The following TLCD2 variants were observed in gnomAD, a reference collection of about 807,000 sequenced individuals.
TLCD2 encodes the protein TLC domain-containing protein 2.
Under a neutral mutation model 14.0 loss-of-function variants are expected in TLCD2, and 12 were observed. The observed-to-expected ratio is 0.86, with a 90% CI of 0.55 to 1.39. The LOEUF (loss-of-function observed/expected upper bound fraction) is 1.39. TLCD2 is among the 40% of genes most tolerant of loss of function. The pLI, the probability that TLCD2 is intolerant of heterozygous loss-of-function variation, is 0.00. For synonymous variants in TLCD2, 166 were observed against 156.5 expected (o/e 1.06, Z -0.45); for missense variants, 360 against 346.8 (o/e 1.04, Z -0.30).
At chr17:1,708,302 A>G in intron 3 of TLCD2, 80 bp from the exon 4 acceptor site, 1 of 1,147,528 alleles carries the variant, frequency 8.7e-7, no homozygotes, top group Non-Finnish European at 1.2e-6. Context: ...CTGAAGAAAG[A>G]GGCTTCCACG....
Position 1,710,024 on chromosome 17 carries a change from C to T in TLCD2, c.176+43G>A. The T allele has an allele frequency of 1.3e-6, 2 of 1,526,692 alleles. No individual in the cohort carries two copies. The highest frequency in any genetic ancestry group is 1.7e-6 in the Non-Finnish European group (2 of 1,142,890). The allele number at this position is 1,526,692 out of a possible 1,614,324, so 94.6% of individuals were successfully genotyped here. On this transcript the variant is annotated intron_variant, in intron 1 of 3. Coordinates refer to ENST00000330676, the MANE Select transcript of TLCD2 (RefSeq NM_001164407.2). This position sits in a 1 kb window ranked among gnomAD's most constrained non-coding sequence, Gnocchi z 6.1. The stretch of plus-strand genomic sequence containing the variant: ...GGGTCTCCCGGCCTCAGCCTCCCAC[C>T]CCTCGCCCTCGCCCCGTGCGCCTCG...
rs1243015701 is a variant in TLCD2 at position 1,704,044 on chromosome 17, G to A, written c.*3726C>T. On this transcript the variant is annotated 3_prime_UTR_variant, in exon 4 of 4. Transcript: ENST00000330676. ...GTTTGAGACCAGCCTGGCCAATATG[G>A]TGAAATCCTGTCTCTACTAAAAACA... The A allele has an allele frequency of 6.6e-6, 1 of 151,626 alleles. No homozygotes were observed. The highest frequency in any genetic ancestry group is 1.5e-5 in the Non-Finnish European group (1 of 67,934). The allele number at this position is 151,626 out of a possible 1,614,324, so 9.4% of individuals were successfully genotyped here. A position where few individuals can be genotyped will look rare whatever the true frequency, so the allele number is the denominator to read the frequency against.
Position 1,708,219 on chromosome 17 carries a change from C to T in TLCD2, c.346G>A (p.Val116Met). 6.6e-7 allele frequency: 1 copy of T among 1,519,980 alleles called. No homozygotes were observed. The highest frequency in any genetic ancestry group is 8.8e-7 in the Non-Finnish European group (1 of 1,137,074). 94.2% of individuals were successfully genotyped at this position (1,519,980 alleles called of 1,614,324 possible). A position where few individuals can be genotyped will look rare whatever the true frequency, so the allele number is the denominator to read the frequency against. ...WDLLCHHLVV[V>M]SCLSTAVLSG... ...AGAACAGCGGTGCTGAGGCAGCTCA[C>T]CACCTGGGAGCCAGGGTCACAGGTC... Residue 116 changes from valine (V) to methionine (M), a missense_variant, in exon 4 of 4, where the codon GTG becomes ATG. By Grantham distance (21) the Val-to-Met change is conservative. Transcript: ENST00000330676.
Position 1,710,052 on chromosome 17 carries a change from C to T in TLCD2, c.176+15G>A. On this transcript the variant is annotated intron_variant, in intron 1 of 3. Coordinates refer to ENST00000330676, the MANE Select transcript of TLCD2 (RefSeq NM_001164407.2). This position sits in a 1 kb window ranked among gnomAD's most constrained non-coding sequence, Gnocchi z 6.1. The stretch of plus-strand genomic sequence containing the variant: ...TCGCCCTCGCCCCGTGCGCCTCGAG[C>T]CCCCAAGCCCGCACCCGAGCAGCGC... 1 of 1,531,468 alleles carries T rather than the reference C, an allele frequency of 6.5e-7. No individual in the cohort carries two copies. Among genetic ancestry groups the T allele is most frequent in the Non-Finnish European group, 8.7e-7 (1 of 1,145,404 alleles). The allele number at this position is 1,531,468 out of a possible 1,614,324, so 94.9% of individuals were successfully genotyped here. A position where few individuals can be genotyped will look rare whatever the true frequency, so the allele number is the denominator to read the frequency against.
rs915039165 is a variant in TLCD2 at position 1,707,830 on chromosome 17, C to A, written c.735G>T (p.Arg245Ser). The A allele has an allele frequency of 2.0e-6, 3 of 1,533,182 alleles. No individual in the cohort carries two copies. The African/African-American group carries it at 4.1e-5, about 21-fold the overall frequency. The allele number at this position is 1,533,182 out of a possible 1,614,324, so 95.0% of individuals were successfully genotyped here. A position where few individuals can be genotyped will look rare whatever the true frequency, so the allele number is the denominator to read the frequency against. Residue 245 changes from arginine (R) to serine (S), a missense_variant, in exon 4 of 4, where the codon AGG (arginine) becomes AGT (serine). Coordinates refer to ENST00000330676, the MANE Select transcript of TLCD2 (RefSeq NM_001164407.2). Reference sequence around the variant, plus strand: ...TGACAGGTCCATTGTCACGACGTGTCCTGGTCCCCCTGGTTTTCTCATGGC... The same window carrying A: ...TGACAGGTCCATTGTCACGACGTGTACTGGTCCCCCTGGTTTTCTCATGGC... ...SPGHEKTRGT[R>S]TRRDNGPVTS...
At chr17:1,709,683 C>T in intron 2 of TLCD2, 102 bp from the exon 3 acceptor site, 1 of 1,160,092 alleles carries the variant, frequency 8.6e-7, no homozygotes, top group Non-Finnish European at 1.2e-6. Context: ...CTTAGTTTTC[C>T]CTTGGTAAAG....
intron 3 of TLCD2, among the ~76,000 whole-genome samples, chr17:1,708,510 C>CA (rs1914113476): frequency 8.9e-6 from 1 of 111,984 alleles, no homozygotes; most frequent in Non-Finnish European, 1.7e-5. Context: ...TTTTTCGAGA[C>CA]AGACTCTCAC....
intron 3 of TLCD2, among the ~76,000 whole-genome samples, chr17:1,708,465 C>T (rs1226950403): frequency 6.7e-6 from 1 of 149,564 alleles, no homozygotes; most frequent in Non-Finnish European, 1.5e-5. Context: ...ACCTCCCATT[C>T]CTGGGCTTGC....
chr17:1,707,566 A>G lies in TLCD2; in HGVS notation c.*204T>C. 1 of 511,332 alleles carries G rather than the reference A, an allele frequency of 2.0e-6. No homozygotes were observed. The highest frequency in any genetic ancestry group is 3.4e-6 in the Non-Finnish European group (1 of 294,328). 31.7% of individuals were successfully genotyped at this position (511,332 alleles called of 1,614,324 possible). ...GCTCATCTGATGACGGATTTCAGTG[A>G]ACAGAAACCCAGGTTCCCACCCATC... On this transcript the variant is annotated 3_prime_UTR_variant, in exon 4 of 4. Transcript: ENST00000330676.
At position 1,707,674 on chromosome 17, in the gene TLCD2, A is replaced by G; in HGVS notation, c.*96T>C. 1 of 953,372 alleles carries G rather than the reference A, an allele frequency of 1.0e-6. No individual in the cohort carries two copies. The highest frequency in any genetic ancestry group is 2.0e-5 in the South Asian group (1 of 51,212). The allele number at this position is 953,372 out of a possible 1,614,324, so 59.1% of individuals were successfully genotyped here. On this transcript the variant is annotated 3_prime_UTR_variant, in exon 4 of 4. Coordinates refer to ENST00000330676, the MANE Select transcript of TLCD2 (RefSeq NM_001164407.2). Reference sequence around the variant, plus strand: ...AGAGAAACTGAGATTCTGATGAGCAAGTCTGGCCCTCACCCTGATGGGGGA... The same window carrying G: ...AGAGAAACTGAGATTCTGATGAGCAGGTCTGGCCCTCACCCTGATGGGGGA...
At chr17:1,708,293 T>G (rs1158001571) in intron 3 of TLCD2, 71 bp from the exon 4 acceptor site, 11 of 1,254,922 alleles carry the variant, frequency 8.8e-6, no homozygotes, top group Non-Finnish European at 1.1e-5. Context: ...AACCCAGGCC[T>G]GAAGAAAGAG....
rs1205579891 is a variant in TLCD2, at chr17:1,710,212, C to T, written c.31G>A (p.Ala11Thr). The change falls in exon 1 of 4, where the codon GCC (alanine) becomes ACC (threonine). Residue 11 changes from alanine (A) to threonine (T), a missense_variant. By Grantham distance (58) the Ala-to-Thr change is moderately conservative. Coordinates refer to ENST00000330676, the MANE Select transcript of TLCD2 (RefSeq NM_001164407.2). The surrounding 1 kb of genome is among the most constrained non-coding windows in gnomAD (Gnocchi z 6.1). ...AGCCCCCGGAACGCGAGGAAGGAGGCGCCGGCCACCAGGAGCCCCGTGGGC... is the reference window on the plus strand; with the variant it reads ...AGCCCCCGGAACGCGAGGAAGGAGGTGCCGGCCACCAGGAGCCCCGTGGGC... MAPTGLLVAGASFLAFRGLHW... is the reference protein window; with the variant it reads MAPTGLLVAGTSFLAFRGLHW... 6.6e-6 allele frequency: 10 copies of T among 1,525,890 alleles called. No homozygotes were observed. The East Asian group carries it at 1.8e-4, about 27-fold the overall frequency. The allele number at this position is 1,525,890 out of a possible 1,614,324, so 94.5% of individuals were successfully genotyped here.
intron 3 of TLCD2, among the ~76,000 whole-genome samples, chr17:1,708,482 T>G (rs1294400816): frequency 2.7e-5 from 3 of 111,858 alleles, no homozygotes; most frequent in Non-Finnish European, 5.4e-5. Context: ...TTGCTTGCTT[T>G]TTTTTTTTTT....
At position 1,708,062 on chromosome 17, in the gene TLCD2, GC is replaced by G. The variant is rs1456371798; in HGVS notation, c.502del (p.Ala168ProfsTer17). The G allele has an allele frequency of 6.5e-7, 1 of 1,537,112 alleles. No individual in the cohort carries two copies. Among genetic ancestry groups the G allele is most frequent in the East Asian group, 2.4e-5 (1 of 40,934 alleles). On this transcript the variant is annotated frameshift_variant, in exon 4 of 4. Coordinates refer to ENST00000330676, the MANE Select transcript of TLCD2 (RefSeq NM_001164407.2). LOFTEE classifies it low-confidence loss of function (END_TRUNC). Reference protein sequence around the residue: ...PSLAFSVTSWASLATLALFRL... With the variant: ...PSLAFSVTSWXSLATLALFRL... The stretch of plus-strand genomic sequence containing the variant: ...GAAGAGGGCCAAGGTGGCCAAGGAG[GC>G]CCAGCTGGTCACGCTGAAGGCCAGG...
chr17:1,709,124 C>T (rs1004725361), intron 3 of TLCD2, among the ~76,000 whole-genome samples: 2 of 152,118 alleles, frequency 1.3e-5, no homozygotes, highest in African/African-American at 4.8e-5. Flanking sequence ...GGCGGTGGCT[C>T]ATGCTTGTAA....
rs972894478 is a variant in TLCD2 at position 1,706,901 on chromosome 17, C to A, written c.*869G>T. The A allele has an allele frequency of 1.3e-5, 2 of 151,880 alleles. No homozygotes were observed. Among genetic ancestry groups the A allele is most frequent in the African/African-American group, 4.8e-5 (2 of 41,298 alleles). The allele number at this position is 151,880 out of a possible 1,614,324, so 9.4% of individuals were successfully genotyped here. ...AAAAACAGGAGTGTGCGCCTGTTCT[C>A]ACGTCTGTAATCCCAGCACTCTGGG... On this transcript the variant is annotated 3_prime_UTR_variant, in exon 4 of 4. Transcript: ENST00000330676.
Position 1,710,271 on chromosome 17 carries a change from T to C in TLCD2, c.-29A>G. 6.9e-7 allele frequency: 1 copy of C among 1,453,422 alleles called. No homozygotes were observed. The highest frequency in any genetic ancestry group is 9.0e-7 in the Non-Finnish European group (1 of 1,111,212). The allele number at this position is 1,453,422 out of a possible 1,614,324, so 90.0% of individuals were successfully genotyped here. A position where few individuals can be genotyped will look rare whatever the true frequency, so the allele number is the denominator to read the frequency against. On this transcript the variant is annotated 5_prime_UTR_variant, in exon 1 of 4. Transcript: ENST00000330676. The surrounding 1 kb of genome is among the most constrained non-coding windows in gnomAD (Gnocchi z 6.1). ...CTGGCGGTTGGGGGGTTGCGGGGAG[T>C]CCGGGTCGGTCCCCTCGGCGCCCGC...
chr17:1,707,992 C>T lies in TLCD2; in HGVS notation c.573G>A (p.Gln191=), dbSNP rs997963785. 6.5e-7 allele frequency: 1 copy of T among 1,537,242 alleles called. No individual in the cohort carries two copies. Residue 191 remains glutamine (Q), a synonymous_variant, in exon 4 of 4, where the codon CAG becomes CAA. Transcript: ENST00000330676. ...CCAGAGCAAGAGGAACCTGGTGGTG[C>T]TGCCGGAACAGCCACAGACTCATCC... ...LGWMSLWLFR[Q]HHQVPLALVT...
At position 1,702,951 on chromosome 17, in the gene TLCD2, A is replaced by G. The variant is rs1913920159; in HGVS notation, c.*4819T>C. On this transcript the variant is annotated 3_prime_UTR_variant, in exon 4 of 4. Transcript: ENST00000330676. Reference sequence around the variant, plus strand: ...ATCATTAGCAAGTAGCTTGGTAGACATGGAGTCCGTCTTGAGGACCATTTC... The same window carrying G: ...ATCATTAGCAAGTAGCTTGGTAGACGTGGAGTCCGTCTTGAGGACCATTTC... 1 of 152,210 alleles carries G rather than the reference A, an allele frequency of 6.6e-6. No homozygotes were observed. The allele number at this position is 152,210 out of a possible 1,614,324, so 9.4% of individuals were successfully genotyped here.
Sources: gnomAD v4.1 joint callset for allele counts (sites outside exome capture counted in the v4.1 genomes callset) on GRCh38, gnomAD v4.1.1 for gene constraint, Gnocchi (gnomAD v3.1) non-coding constraint, MANE v1.5 for transcripts, NCBI Gene and HGNC (gene_info 2026-07-23, HGNC 2026-07-21) for gene names.